PIK3C2G: variants seen among roughly 807,000 people sequenced by gnomAD.
PIK3C2G encodes phosphatidylinositol-4-phosphate 3-kinase catalytic subunit type 2 gamma.
Under a neutral mutation model 181.1 loss-of-function variants are expected in PIK3C2G, and 168 were observed. The observed-to-expected ratio is 0.93, with a 90% CI of 0.82 to 1.05. PIK3C2G has a LOEUF of 1.05. PIK3C2G is among the 50% of genes least tolerant of loss of function. PIK3C2G has a pLI of 0.00. For synonymous variants in PIK3C2G, 573 were observed against 592.2 expected (o/e 0.97, Z 0.47); for missense variants, 1,869 against 1,732.8 (o/e 1.08, Z -1.40).
chr12:18,387,177 A>G (rs1943230178), intron 14 of PIK3C2G, among the ~76,000 whole-genome samples: 1 of 152,058 alleles, frequency 6.6e-6, no homozygotes, highest in African/African-American at 2.4e-5. Flanking sequence ...TTTATATTCT[A>G]TATTTTTATT....
intron 8 of PIK3C2G, among the ~76,000 whole-genome samples, chr12:18,337,115 G>A (rs1164152345): frequency 6.6e-6 from 1 of 152,020 alleles, no homozygotes; most frequent in African/African-American, 2.4e-5. Context: ...CAAAACTGAT[G>A]TTTTTTGAAA....
the PIK3C2G span, among the ~76,000 whole-genome samples, chr12:18,696,787 G>A: frequency 6.6e-6 from 1 of 151,990 alleles, no homozygotes; most frequent in Admixed American, 6.6e-5. Flanking sequence ...TGTCCAGTTC[G>A]ACTTCCAATC....
chr12:18,716,543 TTC>T, the PIK3C2G span, among the ~76,000 whole-genome samples: 2 of 152,116 alleles, frequency 1.3e-5, no homozygotes, highest in Non-Finnish European at 2.9e-5. Flanking sequence ...CAGAGAAAAT[TTC>T]TCTCTCATTC....
At chr12:18,440,222 A>G (rs941634044) in intron 18 of PIK3C2G, among the ~76,000 whole-genome samples, 1 of 152,092 alleles carries the variant, frequency 6.6e-6, no homozygotes, top group Non-Finnish European at 1.5e-5. Flanking sequence ...TGTAAGAGTT[A>G]TAAGAGTTAT....
At chr12:18,379,061 A>T (rs1942658389) in intron 13 of PIK3C2G, among the ~76,000 whole-genome samples, 1 of 152,136 alleles carries the variant, frequency 6.6e-6, no homozygotes, top group Non-Finnish European at 1.5e-5. Context: ...AGACACATGC[A>T]CATGTATGAT....
At chr12:18,598,090 T>G (rs1183401618) in intron 30 of PIK3C2G, among the ~76,000 whole-genome samples, 2 of 152,088 alleles carry the variant, frequency 1.3e-5, no homozygotes, top group Non-Finnish European at 2.9e-5. Context: ...AATTTAGAGA[T>G]TCAATGCCAT....
intron 4 of PIK3C2G, among the ~76,000 whole-genome samples, chr12:18,292,214 A>AAAAAAT (rs1565562575): frequency 1.2e-5 from 1 of 82,652 alleles, no homozygotes; most frequent in African/African-American, 4.8e-5. Flanking sequence ...CCATCTCAAA[A>AAAAAAT]AAAAAAAAAA....
At chr12:18,678,113 CAG>C in the PIK3C2G span, among the ~76,000 whole-genome samples, 1 of 152,096 alleles carries the variant, frequency 6.6e-6, no homozygotes, top group Non-Finnish European at 1.5e-5. Flanking sequence ...CAGCTGTCCA[CAG>C]AGTCTAGAAC....
intron 27 of PIK3C2G, 91 bp downstream of exon 27, chr12:18,562,983 TA>T: frequency 1.2e-6 from 1 of 820,898 alleles, no homozygotes; most frequent in Non-Finnish European, 1.9e-6. Flanking sequence ...TCTTATAGCA[TA>T]ATTTTTTACT....
chr12:18,534,744 A>T (rs988841205), intron 24 of PIK3C2G, among the ~76,000 whole-genome samples: 5 of 151,722 alleles, frequency 3.3e-5, no homozygotes, highest in African/African-American at 1.2e-4. Flanking sequence ...ATTGGAGAAG[A>T]CTAATAAGAC....
At chr12:18,583,826 A>G (rs1272157041) in intron 29 of PIK3C2G, among the ~76,000 whole-genome samples, 2 of 152,062 alleles carry the variant, frequency 1.3e-5, no homozygotes, top group Admixed American at 1.3e-4. Flanking sequence ...ATGTCCTCCA[A>G]ATGACTGCAC....
chr12:18,487,570 T>C (rs1940175431), intron 18 of PIK3C2G, among the ~76,000 whole-genome samples: 1 of 152,116 alleles, frequency 6.6e-6, no homozygotes, highest in African/African-American at 2.4e-5. Flanking sequence ...AAATTAGTCT[T>C]TTTTAATTCC....
chr12:18,482,049 G>C (rs1939609680), intron 18 of PIK3C2G, among the ~76,000 whole-genome samples: 1 of 151,976 alleles, frequency 6.6e-6, no homozygotes, highest in Non-Finnish European at 1.5e-5. Flanking sequence ...AGATTCTATA[G>C]TTTCATCGTA....
intron 16 of PIK3C2G, among the ~76,000 whole-genome samples, chr12:18,413,378 A>T (rs1441395831): frequency 6.6e-6 from 1 of 152,132 alleles, no homozygotes; most frequent in Admixed American, 6.6e-5. Context: ...GAGAATAATG[A>T]ACTACCTTAA....
At chr12:18,614,097 A>C (rs1326405309) in intron 31 of PIK3C2G, among the ~76,000 whole-genome samples, 1 of 152,202 alleles carries the variant, frequency 6.6e-6, no homozygotes, top group South Asian at 2.1e-4. Context: ...ATGCACTTCA[A>C]TCTAAATAAA....
chr12:18,480,591 G>A (rs1438571139), intron 18 of PIK3C2G, among the ~76,000 whole-genome samples: 2 of 152,058 alleles, frequency 1.3e-5, no homozygotes, highest in Admixed American at 6.6e-5. Context: ...ACAAGAATGG[G>A]GCAGAAGAAG....
intron 16 of PIK3C2G, among the ~76,000 whole-genome samples, chr12:18,419,562 C>T (rs911809035): frequency 1.3e-5 from 2 of 152,118 alleles, no homozygotes; most frequent in Non-Finnish European, 2.9e-5. Context: ...CTCTTTCTGC[C>T]CTCCACCTGT....
Position 18,609,626 on chromosome 12 carries a change from C to T in PIK3C2G, c.4179C>T (p.Asn1393=), listed in dbSNP as rs1948233125. 6.5e-7 allele frequency: 1 copy of T among 1,534,962 alleles called. No individual in the cohort carries two copies. Among genetic ancestry groups the T allele is most frequent in the Non-Finnish European group, 8.9e-7 (1 of 1,125,356 alleles). Residue 1393 remains asparagine, a synonymous_variant, in exon 31 of 33, where the codon AAC becomes AAT. Coordinates refer to ENST00000538779, the MANE Select transcript of PIK3C2G (RefSeq NM_001288772.2). ...CCATACTAGTGAAACACATGAAAAACATTGTAAGTTTATTATGTATAATAA... is the reference window on the plus strand; with the variant it reads ...CCATACTAGTGAAACACATGAAAAATATTGTAAGTTTATTATGTATAATAA... ...KLTILVKHMK[N]IHLPDGSAPS... is the part of the protein sequence containing the mutation.
intron 6 of PIK3C2G, among the ~76,000 whole-genome samples, chr12:18,316,311 T>C (rs1591929834): frequency 6.6e-6 from 1 of 152,074 alleles, no homozygotes; most frequent in South Asian, 2.1e-4. Flanking sequence ...ATTCTTCAAA[T>C]TACCCTCAAT....
Sources: allele counts gnomAD v4.1 joint callset (sites outside exome capture counted in the v4.1 genomes callset), GRCh38; gene constraint gnomAD v4.1.1; transcripts MANE v1.5; gene names NCBI Gene and HGNC (gene_info 2026-07-23, HGNC 2026-07-21).